ZNF536: variants seen among roughly 807,000 people sequenced by gnomAD.
ZNF536 encodes the protein zinc finger protein 536.
ZNF536 carries 13 observed loss-of-function variants against 84.5 expected under a neutral mutation model. The ratio of observed to expected loss-of-function variants is 0.15; its 90% CI spans 0.10 to 0.24. The LOEUF (loss-of-function observed/expected upper bound fraction) is 0.24, where lower values mean the gene tolerates loss of function less well. Ranked by LOEUF, ZNF536 falls within the 10% of genes least tolerant of loss-of-function variation. The pLI is 1.00. For synonymous variants in ZNF536, 811 were observed against 742.5 expected (o/e 1.09, Z -1.50); for missense variants, 1,536 against 1,747.5 (o/e 0.88, Z 2.16).
intron 1 of ZNF536, among the ~76,000 whole-genome samples, chr19:30,271,704 A>G (rs1015549675): frequency 6.6e-6 from 1 of 152,138 alleles, no homozygotes; most frequent in African/African-American, 2.4e-5. Context: ...TGAAGCATCC[A>G]GGTTTCTGTC....
At chr19:30,386,344 A>G (rs942661791) in intron 1 of ZNF536, among the ~76,000 whole-genome samples, 1 of 152,014 alleles carries the variant, frequency 6.6e-6, no homozygotes, top group Admixed American at 6.5e-5. Flanking sequence ...TTGTCTCTCT[A>G]CAGTCTCTCT....
intron 2 of ZNF536, among the ~76,000 whole-genome samples, chr19:30,327,705 A>G (rs2047084364): frequency 6.6e-6 from 1 of 152,204 alleles, no homozygotes; most frequent in Admixed American, 6.5e-5. Context: ...TTCACATCTC[A>G]GTCCTTCCAA....
chr19:30,560,727 T>G (rs1196751954), downstream of ZNF536, among the ~76,000 whole-genome samples: 3 of 152,252 alleles, frequency 2.0e-5, no homozygotes, highest in African/African-American at 7.2e-5. Context: ...GAAGTGTGTT[T>G]GCTTTGATGA....
chr19:30,338,391 G>A (rs888096332), intron 2 of ZNF536, among the ~76,000 whole-genome samples: 2 of 151,870 alleles, frequency 1.3e-5, no homozygotes, highest in Non-Finnish European at 2.9e-5. Context: ...TGGTGATGAT[G>A]GTGGTGATGA....
At chr19:30,437,285 T>G (rs1225265524) in intron 1 of ZNF536, among the ~76,000 whole-genome samples, 1 of 152,184 alleles carries the variant, frequency 6.6e-6, no homozygotes, top group Non-Finnish European at 1.5e-5. Context: ...ACAATTAGGT[T>G]CTCTATTGGA....
At chr19:30,590,810 C>T (rs1427057583) in intron 1 of ZNF536, among the ~76,000 whole-genome samples, 1 of 152,188 alleles carries the variant, frequency 6.6e-6, no homozygotes, top group Admixed American at 6.5e-5. Context: ...TGTTTGTTTT[C>T]TGTGGTTCCC....
intron 1 of ZNF536, among the ~76,000 whole-genome samples, chr19:30,664,259 T>TCTCTCTCTCC: frequency 7.1e-6 from 1 of 140,614 alleles, no homozygotes; most frequent in South Asian, 2.4e-4. Context: ...TCTCTCTCTC[T>TCTCTCTCTCC]CTCCCTCTCC....
chr19:30,433,989 C>T (rs886114866), intron 1 of ZNF536, among the ~76,000 whole-genome samples: 1 of 152,194 alleles, frequency 6.6e-6, no homozygotes, highest in Non-Finnish European at 1.5e-5. Flanking sequence ...CCTGTGCCCT[C>T]TCAAAATCCC....
intron 1 of ZNF536, among the ~76,000 whole-genome samples, chr19:30,410,465 C>CTTTTTTGTTTTTTTTTT (rs2050434985): frequency 8.2e-6 from 1 of 122,634 alleles, no homozygotes; most frequent in African/African-American, 4.0e-5. Flanking sequence ...AAGTGAAGGT[C>CTTTTTTGTTTTTTTTTT]TTTTTTTTTT....
intron 1 of ZNF536, among the ~76,000 whole-genome samples, chr19:30,602,111 C>T (rs530022189): frequency 6.6e-6 from 1 of 152,286 alleles, no homozygotes; most frequent in South Asian, 2.1e-4. Context: ...TATCAAAAAA[C>T]GAATTAGGGT....
At chr19:30,475,064 T>C (rs188645578) in intron 2 of ZNF536, among the ~76,000 whole-genome samples, 66 of 152,200 alleles carry the variant, frequency 4.3e-4, no homozygotes, top group African/African-American at 1.5e-3. Flanking sequence ...ATAACCTTAT[T>C]TTTGCGTTAT....
intron 1 of ZNF536, among the ~76,000 whole-genome samples, chr19:30,686,892 G>A (rs952925414): frequency 6.6e-6 from 1 of 152,030 alleles, no homozygotes; most frequent in Non-Finnish European, 1.5e-5. Context: ...GTTCCATCCT[G>A]TCTCCCCTAA....
chr19:30,695,690 C>A (rs1332942046), intron 1 of ZNF536, among the ~76,000 whole-genome samples: 1 of 152,000 alleles, frequency 6.6e-6, no homozygotes, highest in African/African-American at 2.4e-5. Flanking sequence ...GAGGGGTGGG[C>A]ACATGTATAG....
chr19:30,637,892 GT>G (rs1360050030), intron 1 of ZNF536, among the ~76,000 whole-genome samples: 1 of 151,976 alleles, frequency 6.6e-6, no homozygotes, highest in Admixed American at 6.6e-5. Context: ...TATTTCGAGG[GT>G]TTTTTTGCAA....
rs1555744993 is a variant in ZNF536 at position 30,402,796 on chromosome 19, A to ATATATATATATATATATATATAT, written c.-3+30240_-3+30241insTATATATATATATATATATATAT. ...TTTTAAACATTTTTTAAAATTAAAA[A>ATATATATATATATATATATATAT]ATATATATATATATATATATATATA... is the stretch of plus-strand genomic sequence containing the variant. On this transcript the variant is annotated intron_variant, in intron 1 of 4. Transcript: ENST00000355537. Among the ~76,000 whole-genome samples, 541 of 85,444 alleles carry ATATATATATATATATATATATAT rather than the reference A, an allele frequency of 6.3e-3. 71 individuals are homozygous for ATATATATATATATATATATATAT. Among genetic ancestry groups the ATATATATATATATATATATATAT allele is most frequent in the Middle Eastern group, 0.013 (2 of 152 alleles). The allele number at this position is 85,444 out of a possible 152,430, so 56.1% of individuals were successfully genotyped here. A position where few individuals can be genotyped will look rare whatever the true frequency, so the allele number is the denominator to read the frequency against.
chr19:30,408,150 A>G (rs937692574), intron 1 of ZNF536, among the ~76,000 whole-genome samples: 11 of 152,160 alleles, frequency 7.2e-5, no homozygotes, highest in African/African-American at 2.4e-4. Flanking sequence ...GTGCACGAGT[A>G]CATGTGTGCA....
chr19:30,597,885 T>G (rs900765074), intron 1 of ZNF536, among the ~76,000 whole-genome samples: 1 of 151,724 alleles, frequency 6.6e-6, no homozygotes, highest in South Asian at 2.1e-4. Context: ...GTATTGTTGT[T>G]GTGTATACAT....
intron 1 of ZNF536, among the ~76,000 whole-genome samples, chr19:30,283,520 G>A (rs554688425): frequency 2.0e-5 from 3 of 152,210 alleles, no homozygotes; most frequent in Non-Finnish European, 4.4e-5. Context: ...GAGAGAGGAC[G>A]TTGATGCCAA....
In ZNF536 at chr19:30,543,190, G is replaced by A. The variant is rs772473146; in HGVS notation, c.2324-4753G>A. 1.2e-4 allele frequency among the ~76,000 whole-genome samples: 18 copies of A among 152,314 alleles called. No individual in the cohort carries two copies. The Middle Eastern group carries it at 0.01, about 86-fold the overall frequency. On this transcript the variant is annotated intron_variant, in intron 3 of 4. Coordinates refer to ENST00000355537, the MANE Select transcript of ZNF536 (RefSeq NM_014717.3). ...GTGACACTGTGCTCCAGGAGAGAAC[G>A]GCTGTTTTGCATACTCATCTGATCT...
Sources: gnomAD v4.1 joint callset for allele counts (sites outside exome capture counted in the v4.1 genomes callset) on GRCh38, gnomAD v4.1.1 for gene constraint, MANE v1.5 for transcripts, NCBI Gene and HGNC (gene_info 2026-07-23, HGNC 2026-07-21) for gene names.